The following DCC variants were observed in gnomAD, a reference collection of about 807,000 sequenced individuals.
The protein encoded by DCC is DCC netrin 1 receptor, also known as netrin receptor DCC.
In DCC, 58 loss-of-function variants were observed where a neutral mutation model predicts 172.5. That is an observed-to-expected ratio of 0.34 (90% CI 0.27 to 0.42). DCC has a LOEUF of 0.42. Ranked by LOEUF, DCC falls within the 10% of genes least tolerant of loss-of-function variation. DCC has a pLI of 1.00. For missense variants in DCC, 1,740 were observed against 1,791.0 expected, an observed-to-expected ratio of 0.97 and a Z score of 0.51; for synonymous variants, 709 against 644.5, an observed-to-expected ratio of 1.10 and a Z score of -1.52.
intron 1 of DCC, among the ~76,000 whole-genome samples, chr18:52,341,740 C>A (rs1001468264): frequency 6.6e-6 from 1 of 152,142 alleles, no homozygotes; most frequent in South Asian, 2.1e-4. Flanking sequence ...GCGGCTTCGA[C>A]GGCCAAAAGA....
At chr18:53,176,893 G>A (rs7408055) in intron 8 of DCC, among the ~76,000 whole-genome samples, 44,042 of 148,074 alleles carry the variant, frequency 0.3, 7,657 homozygotes, top group East Asian at 0.57. Flanking sequence ...TGTTTATTGC[G>A]GCATTATTCA....
chr18:52,343,028 G>C (rs745421247), intron 1 of DCC, among the ~76,000 whole-genome samples: 1 of 152,200 alleles, frequency 6.6e-6, no homozygotes, highest in Non-Finnish European at 1.5e-5. Flanking sequence ...TATGTTGGTG[G>C]ATAGGCTAAC....
At chr18:53,066,974 A>G (rs1361547530) in intron 7 of DCC, among the ~76,000 whole-genome samples, 1 of 151,988 alleles carries the variant, frequency 6.6e-6, no homozygotes. Flanking sequence ...TTAAACAACC[A>G]GATCTCATGA....
At chr18:52,686,617 C>T (rs1568041509) in intron 1 of DCC, among the ~76,000 whole-genome samples, 1 of 152,118 alleles carries the variant, frequency 6.6e-6, no homozygotes, top group African/African-American at 2.4e-5. Context: ...CCCATTAGAT[C>T]CACAAATTAT....
rs757705838 is a variant in DCC at position 53,205,364 on chromosome 18, G to C, written c.1722G>C (p.Gln574His). 2 of 1,613,732 alleles carry C rather than the reference G, an allele frequency of 1.2e-6. No individual in the cohort carries two copies. The highest frequency in any genetic ancestry group is 1.7e-6 in the Non-Finnish European group (2 of 1,179,734). The change falls in exon 10 of 29, where the codon CAG becomes CAC. Residue 574 changes from glutamine to histidine, a missense_variant and splice_region_variant. Transcript: ENST00000442544. ...FCTEVSTGKEQNIEVDGLSYK... is the reference protein window; with the variant it reads ...FCTEVSTGKEHNIEVDGLSYK... ...CTGAGGTGTCCACAGGAAAAGAACA[G>C]GTAGGTGAAGGAATGGACCACACTG...
At chr18:53,131,236 A>C (rs1456032622) in intron 7 of DCC, among the ~76,000 whole-genome samples, 1 of 152,158 alleles carries the variant, frequency 6.6e-6, no homozygotes, top group African/African-American at 2.4e-5. Context: ...TTTGAAAAAA[A>C]TACAAGCACA....
At chr18:53,319,339 C>T (rs747820968) in intron 13 of DCC, among the ~76,000 whole-genome samples, 2 of 151,886 alleles carry the variant, frequency 1.3e-5, no homozygotes, top group Non-Finnish European at 2.9e-5. Context: ...AGAGTCAAGA[C>T]CTATTGATGT....
rs1568117886 is a variant in DCC, at chr18:53,416,109, C to A, written c.3131-15C>A. The stretch of plus-strand genomic sequence containing the variant: ...CTGTCAAAGTCTAATAATGTTATTT[C>A]TTTTTCCCCCGCAGTGGAACACCCT... On this transcript the variant is annotated splice_polypyrimidine_tract_variant and intron_variant, in intron 20 of 28. Transcript: ENST00000442544. 2 of 1,600,704 alleles carry A rather than the reference C, an allele frequency of 1.2e-6. No individual in the cohort carries two copies. The highest frequency in any genetic ancestry group is 1.1e-5 in the South Asian group (1 of 90,756).
At chr18:52,852,128 A>C (rs1202268303) in intron 2 of DCC, among the ~76,000 whole-genome samples, 1 of 152,154 alleles carries the variant, frequency 6.6e-6, no homozygotes, top group African/African-American at 2.4e-5. Flanking sequence ...TATAAAAATA[A>C]ATTTTGGTAA....
At chr18:53,041,346 C>T (rs991378381) in intron 5 of DCC, among the ~76,000 whole-genome samples, 1 of 151,726 alleles carries the variant, frequency 6.6e-6, no homozygotes, top group African/African-American at 2.4e-5. Context: ...ATTTCTGAAG[C>T]CTCTGTTTTA....
intron 7 of DCC, among the ~76,000 whole-genome samples, chr18:53,081,941 T>G (rs184555635): frequency 4.9e-4 from 75 of 152,242 alleles, no homozygotes; most frequent in African/African-American, 1.7e-3. Flanking sequence ...TCTTAAAAGC[T>G]ACACTTTTGC....
At chr18:52,658,035 A>G (rs975775286) in intron 1 of DCC, among the ~76,000 whole-genome samples, 2 of 152,198 alleles carry the variant, frequency 1.3e-5, no homozygotes, top group Non-Finnish European at 2.9e-5. Context: ...CCAGACCTAG[A>G]TATTCCTCCC....
chr18:53,333,421 A>G (rs914901786), intron 14 of DCC, among the ~76,000 whole-genome samples: 2 of 152,224 alleles, frequency 1.3e-5, no homozygotes, highest in African/African-American at 4.8e-5. Flanking sequence ...TGGAGGACAA[A>G]TGTGTGAATA....
chr18:52,620,006 A>G (rs1272004734), intron 1 of DCC, among the ~76,000 whole-genome samples: 2 of 152,228 alleles, frequency 1.3e-5, no homozygotes, highest in African/African-American at 4.8e-5. Flanking sequence ...ACTACCCACT[A>G]GACTTGAAGA....
intron 15 of DCC, among the ~76,000 whole-genome samples, chr18:53,340,260 AT>A (rs2057642973): frequency 6.6e-6 from 1 of 152,202 alleles, no homozygotes; most frequent in Non-Finnish European, 1.5e-5. Flanking sequence ...GATCCTAATA[AT>A]TTCTATAAAA....
At chr18:52,860,446 A>G (rs965494838) in intron 2 of DCC, among the ~76,000 whole-genome samples, 5 of 152,362 alleles carry the variant, frequency 3.3e-5, no homozygotes, top group African/African-American at 9.6e-5. Context: ...GTAGCCAGGA[A>G]GTAATTCAGG....
intron 1 of DCC, among the ~76,000 whole-genome samples, chr18:52,508,608 G>C (rs1418467995): frequency 6.6e-6 from 1 of 152,160 alleles, no homozygotes; most frequent in Non-Finnish European, 1.5e-5. Flanking sequence ...TTAAAAGATT[G>C]GGGATTTATA....
At chr18:53,252,276 G>A (rs1365123991) in intron 12 of DCC, among the ~76,000 whole-genome samples, 2 of 151,760 alleles carry the variant, frequency 1.3e-5, no homozygotes, top group Non-Finnish European at 2.9e-5. Flanking sequence ...GATTTTAGAC[G>A]ATCTACAATA....
rs1336386514 is a variant in DCC, at chr18:52,340,434, T to C, written c.-354T>C. 2.7e-6 allele frequency: 1 copy of C among 375,052 alleles called. No homozygotes were observed. The highest frequency in any genetic ancestry group is 5.0e-6 in the Non-Finnish European group (1 of 198,164). 23.2% of individuals were successfully genotyped at this position (375,052 alleles called of 1,614,324 possible). ...ATCTCCTCTTGGTCCCTCCTGGATGTGGTTTATTGATGACTTGCGAGCCCC... is the reference window on the plus strand; with the variant it reads ...ATCTCCTCTTGGTCCCTCCTGGATGCGGTTTATTGATGACTTGCGAGCCCC... On this transcript the variant is annotated 5_prime_UTR_variant, in exon 1 of 29. Coordinates refer to ENST00000442544, the MANE Select transcript of DCC (RefSeq NM_005215.4).
Sources: gnomAD v4.1 joint callset for allele counts (sites outside exome capture counted in the v4.1 genomes callset) on GRCh38, gnomAD v4.1.1 for gene constraint, MANE v1.5 for transcripts, NCBI Gene and HGNC (gene_info 2026-07-23, HGNC 2026-07-21) for gene names.